Variants in TRRAP observed in about 807,000 individuals in gnomAD.
The protein encoded by TRRAP is transformation/transcription domain-associated protein.
Under a neutral mutation model 438.8 loss-of-function variants are expected in TRRAP, and 41 were observed. The ratio of observed to expected loss-of-function variants is 0.09; its 90% CI spans 0.07 to 0.12. The LOEUF is 0.12. TRRAP is among the 10% of genes least tolerant of loss of function. TRRAP has a pLI of 1.00. For synonymous variants in TRRAP, 1,994 were observed against 1,962.9 expected (o/e 1.02, Z -0.42); for missense variants, 3,122 against 5,055.1 (o/e 0.62, Z 11.60).
chr7:98,942,923 T>C, intron 30 of TRRAP, 26 bp from the exon 31 acceptor site: 1 of 1,613,902 alleles, frequency 6.2e-7, no homozygotes, highest in Non-Finnish European at 8.5e-7. Flanking sequence ...TGTGAAGTTG[T>C]GTCTCAGGAT....
At chr7:98,936,584 A>G (rs782399157) in intron 28 of TRRAP, among the ~76,000 whole-genome samples, 7 of 152,176 alleles carry the variant, frequency 4.6e-5, no homozygotes, top group Non-Finnish European at 1.0e-4. Context: ...TAGTGAAGAA[A>G]GGCTGGGCTG....
chr7:98,879,244 C>T (rs1210410298), intron 1 of TRRAP, among the ~76,000 whole-genome samples: 1 of 152,200 alleles, frequency 6.6e-6, no homozygotes, highest in Non-Finnish European at 1.5e-5. Flanking sequence ...TGCTTTTCCT[C>T]AGACACGCAG....
intron 43 of TRRAP, among the ~76,000 whole-genome samples, 175 bp from the exon 44 acceptor site, chr7:98,957,802 TGCTG>T (rs1640807734): frequency 6.6e-6 from 1 of 152,252 alleles, no homozygotes; most frequent in Admixed American, 6.5e-5. Flanking sequence ...TCTGCCCTCC[TGCTG>T]GCTGTGTCGA....
Position 98,893,435 on chromosome 7 carries a change from A to G in TRRAP, c.367-363A>G, listed in dbSNP as rs1047706034. Among the ~76,000 whole-genome samples the G allele has an allele frequency of 2.4e-4, 37 of 152,356 alleles. 1 individual carries two copies. Among genetic ancestry groups the G allele is most frequent in the African/African-American group, 8.7e-4 (36 of 41,586 alleles). ...ACCCCATCCTCACAGAGCATTTGTA[A>G]GGTGCTTAGCACAGGGTCCAGTCCT... On this transcript the variant is annotated intron_variant, in intron 5 of 72. Transcript: ENST00000456197.
At chr7:98,988,654 T>C (rs897178861) in intron 62 of TRRAP, 111 bp from the exon 63 acceptor site, 3 of 1,309,332 alleles carry the variant, frequency 2.3e-6, no homozygotes, top group African/African-American at 2.9e-5. Flanking sequence ...CACAACATTG[T>C]GAATGGACCA....
chr7:98,990,397 T>C (rs1793380094), intron 63 of TRRAP, 58 bp from the exon 64 acceptor site: 1 of 1,585,820 alleles, frequency 6.3e-7, no homozygotes, highest in Non-Finnish European at 8.6e-7. Context: ...GGAAAAAGTC[T>C]CTTGCTTGAG....
intron 65 of TRRAP, 63 bp from the exon 66 acceptor site, chr7:98,993,475 C>T (rs760158647): frequency 2.6e-5 from 41 of 1,558,498 alleles, no homozygotes; most frequent in African/African-American, 4.1e-5. Flanking sequence ...GGTCCTGCAG[C>T]GCTCCGAGCC....
chr7:98,942,738 C>G (rs1790854063), intron 30 of TRRAP, among the ~76,000 whole-genome samples: 8 of 152,200 alleles, frequency 5.3e-5, no homozygotes, highest in Admixed American at 5.2e-4. Flanking sequence ...AGGGCGTTTC[C>G]TTCTGTGTCA....
At chr7:98,931,806 T>C in intron 26 of TRRAP, 141 bp downstream of exon 26, 1 of 1,117,114 alleles carries the variant, frequency 9.0e-7, no homozygotes, top group South Asian at 1.7e-5. Flanking sequence ...CCTGCGTGGG[T>C]ACCAAAATCT....
At chr7:98,895,710 G>A in intron 6 of TRRAP, 54 bp from the exon 7 acceptor site, 1 of 1,419,898 alleles carries the variant, frequency 7.0e-7, no homozygotes, top group Non-Finnish European at 9.6e-7. Flanking sequence ...ATTTATTATG[G>A]GTATTTTCTG....
intron 67 of TRRAP, among the ~76,000 whole-genome samples, chr7:98,996,451 T>C (rs918050432): frequency 4.6e-5 from 7 of 152,340 alleles, no homozygotes; most frequent in African/African-American, 1.4e-4. Flanking sequence ...AGCCTTCATC[T>C]CTCAAGTGTC....
chr7:98,915,980 C>A, intron 19 of TRRAP, 92 bp downstream of exon 19: 1 of 1,514,188 alleles, frequency 6.6e-7, no homozygotes, highest in Non-Finnish European at 9.0e-7. Flanking sequence ...TCCTCTGTAA[C>A]TGGTGAGTGT....
Position 98,953,259 on chromosome 7 carries a change from C to T in TRRAP, c.5556C>T (p.His1852=), listed in dbSNP as rs1554418686. ...CGCTGCTGGTGGAGCACGCCCCCCA[C>T]CACATCCATGACAACAACAAGAACC... is the stretch of plus-strand genomic sequence containing the variant. ...YATLLVEHAP[H]HIHDNNKNRN... The change falls in exon 40 of 73, where the codon CAC becomes CAT. Residue 1852 remains histidine (H), a synonymous_variant. Transcript: ENST00000456197. 1 of 1,613,830 alleles carries T rather than the reference C, an allele frequency of 6.2e-7. No homozygotes were observed. Among genetic ancestry groups the T allele is most frequent in the Non-Finnish European group, 8.5e-7 (1 of 1,180,006 alleles).
intron 18 of TRRAP, among the ~76,000 whole-genome samples, chr7:98,914,903 T>C (rs147445607): frequency 1.9e-3 from 296 of 152,102 alleles, no homozygotes; most frequent in Non-Finnish European, 3.8e-4. Flanking sequence ...TCAGTGACTA[T>C]ACCAAGAATT....
intron 67 of TRRAP, among the ~76,000 whole-genome samples, chr7:98,995,474 G>A (rs1025468571): frequency 2.6e-5 from 4 of 152,094 alleles, no homozygotes; most frequent in Non-Finnish European, 5.9e-5. Context: ...TCTGGGCATC[G>A]TAATAGGGAG....
At position 99,005,042 on chromosome 7, in the gene TRRAP, T is replaced by C. The variant is rs1794099610; in HGVS notation, c.10536-89T>C. 1.5e-6 allele frequency: 2 copies of C among 1,364,156 alleles called. No individual in the cohort carries two copies. The highest frequency in any genetic ancestry group is 2.8e-5 in the African/African-American group (2 of 70,192). The allele number at this position is 1,364,156 out of a possible 1,614,324, so 84.5% of individuals were successfully genotyped here. On this transcript the variant is annotated intron_variant, in intron 68 of 72. Transcript: ENST00000456197. This position sits in a 1 kb window ranked among gnomAD's most constrained non-coding sequence, Gnocchi z 5.1. ...CTGGCCTACACAGTCCGTTTTCCCG[T>C]GACAGTTCGGACATTCCTAGCTTCT...
chr7:98,894,279 T>C (rs1796096405), intron 6 of TRRAP, among the ~76,000 whole-genome samples: 1 of 152,224 alleles, frequency 6.6e-6, no homozygotes, highest in Non-Finnish European at 1.5e-5. Context: ...GAGATTTTTC[T>C]GTAAAGTGAC....
intron 63 of TRRAP, among the ~76,000 whole-genome samples, chr7:98,989,182 G>C (rs1212066146): frequency 6.6e-6 from 1 of 152,234 alleles, no homozygotes; most frequent in Non-Finnish European, 1.5e-5. Flanking sequence ...GAACTTCCAA[G>C]TGGCAAAGCC....
In TRRAP at chr7:98,953,269, GACA is replaced by G. The variant is rs2116626019; in HGVS notation, c.5574_5576del (p.Asn1858del). ...GGAGCACGCCCCCCACCACATCCAT[GACA>G]ACAACAAGAACCGCAACAGCAAGCT... On this transcript the variant is annotated inframe_deletion, in exon 40 of 73. Transcript: ENST00000456197. The G allele has an allele frequency of 6.2e-7, 1 of 1,613,704 alleles. No individual in the cohort carries two copies. The highest frequency in any genetic ancestry group is 8.5e-7 in the Non-Finnish European group (1 of 1,180,012).
Sources: gnomAD v4.1 joint callset for allele counts (sites outside exome capture counted in the v4.1 genomes callset) on GRCh38, gnomAD v4.1.1 for gene constraint, Gnocchi (gnomAD v3.1) non-coding constraint, MANE v1.5 for transcripts, NCBI Gene and HGNC (gene_info 2026-07-23, HGNC 2026-07-21) for gene names.